Variants in EMCN observed in about 807,000 individuals in gnomAD.
EMCN encodes endomucin.
EMCN carries 37 observed loss-of-function variants against 38.4 expected under a neutral mutation model. That is an observed-to-expected ratio of 0.96 (90% confidence interval 0.74 to 1.27). The LOEUF (loss-of-function observed/expected upper bound fraction) is 1.27, where lower values mean the gene tolerates loss of function less well. Among genes scored for constraint, EMCN ranks in the 50% most tolerant of loss-of-function variants. The pLI is 0.00. For synonymous variants in EMCN, 95 were observed against 100.8 expected, an observed-to-expected ratio of 0.94 and a Z score of 0.35; for missense variants, 318 against 302.8, an observed-to-expected ratio of 1.05 and a Z score of -0.37.
chr4:100,516,760 A>T (rs1272747187), intron 1 of EMCN, among the ~76,000 whole-genome samples: 2 of 152,018 alleles, frequency 1.3e-5, no homozygotes, highest in Non-Finnish European at 2.9e-5. Context: ...GGATGTACTT[A>T]TTTTCTTCCG....
intron 11 of EMCN, among the ~76,000 whole-genome samples, chr4:100,407,396 C>G (rs1400743304): frequency 6.6e-6 from 1 of 152,160 alleles, no homozygotes; most frequent in African/African-American, 2.4e-5. Flanking sequence ...CCCTATGAAC[C>G]TCTTGAAAAG....
At chr4:100,447,439 C>T (rs1450740012) in intron 5 of EMCN, 94 bp downstream of exon 5, 36 of 858,032 alleles carry the variant, frequency 4.2e-5, no homozygotes, top group Admixed American at 2.6e-4. Context: ...TGTGCTATTT[C>T]TCCCTGCCCC....
At position 100,481,842 on chromosome 4, in the gene EMCN, TTTCC is replaced by T. The variant is rs760339134; in HGVS notation, c.65-1807_65-1804del. ...GCATAATCAACGTCTTTAGAGATGT[TTTCC>T]TTCCTTCCTTCCTTTCTTCCTTCCT... On this transcript the variant is annotated intron_variant, in intron 1 of 11. Coordinates refer to ENST00000296420, the MANE Select transcript of EMCN (RefSeq NM_016242.4). 7.9e-5 allele frequency among the ~76,000 whole-genome samples: 12 copies of T among 151,830 alleles called. No homozygotes were observed. In the East Asian group the frequency reaches 1.5e-3, roughly 20 times the overall value.
chr4:100,435,288 G>A (rs1727319045), intron 5 of EMCN, among the ~76,000 whole-genome samples: 1 of 152,050 alleles, frequency 6.6e-6, no homozygotes, highest in Non-Finnish European at 1.5e-5. Context: ...GCTACAAAGA[G>A]AATAAAATAC....
intron 4 of EMCN, among the ~76,000 whole-genome samples, chr4:100,456,244 T>C (rs1258258505): frequency 1.3e-5 from 2 of 152,190 alleles, no homozygotes; most frequent in African/African-American, 4.8e-5. Context: ...CTAGTTTCTA[T>C]TGTTATGCAT....
intron 2 of EMCN, among the ~76,000 whole-genome samples, chr4:100,475,956 GAGCCACTGTGCCC>G (rs201155239): frequency 0.013 from 1,915 of 152,142 alleles, 50 homozygotes; most frequent in African/African-American, 0.044. Flanking sequence ...TTACAGGCGT[GAGCCACTGTGCCC>G]AGCCTCTAGT....
At chr4:100,504,940 T>G (rs139696428) in intron 1 of EMCN, among the ~76,000 whole-genome samples, 216 of 152,334 alleles carry the variant, frequency 1.4e-3, no homozygotes, top group African/African-American at 5.0e-3. Context: ...TGCTTTCATG[T>G]TCCATCCTAT....
In EMCN at chr4:100,480,042, G is replaced by GA; in HGVS notation, c.65-4dup. On this transcript the variant is annotated splice_polypyrimidine_tract_variant and splice_region_variant and intron_variant, in intron 1 of 11. Coordinates refer to ENST00000296420, the MANE Select transcript of EMCN (RefSeq NM_016242.4). ...ATTATTAGCTGCCTCTAAAACACCTGAAAAAAGTAAAGTAGTTGCATTAAC... is the reference window on the plus strand; with the variant it reads ...ATTATTAGCTGCCTCTAAAACACCTGAAAAAAAGTAAAGTAGTTGCATTAAC... The GA allele has an allele frequency of 1.9e-6, 3 of 1,600,804 alleles. No homozygotes were observed. The highest frequency in any genetic ancestry group is 2.6e-6 in the Non-Finnish European group (3 of 1,174,868).
chr4:100,492,763 G>A (rs1729117059), intron 1 of EMCN, among the ~76,000 whole-genome samples: 1 of 152,130 alleles, frequency 6.6e-6, no homozygotes, highest in African/African-American at 2.4e-5. Context: ...TTTGCGAATG[G>A]AAGAGAAGAC....
chr4:100,465,583 A>G, intron 3 of EMCN, 44 bp from the exon 4 acceptor site: 1 of 1,012,992 alleles, frequency 9.9e-7, no homozygotes, highest in Non-Finnish European at 1.4e-6. Flanking sequence ...ACAAATCACC[A>G]GATCATCTTA....
chr4:100,403,951 T>C (rs1726326043), intron 11 of EMCN, among the ~76,000 whole-genome samples: 2 of 152,144 alleles, frequency 1.3e-5, no homozygotes, highest in African/African-American at 2.4e-5. Context: ...TTTAAGTTCC[T>C]TATAGATTCT....
intron 5 of EMCN, among the ~76,000 whole-genome samples, chr4:100,425,482 G>A (rs1727021273): frequency 6.6e-6 from 1 of 151,968 alleles, no homozygotes; most frequent in Non-Finnish European, 1.5e-5. Flanking sequence ...AGGATAGCTG[G>A]GTACAAATCT....
At chr4:100,442,839 T>C (rs1727561260) in intron 5 of EMCN, among the ~76,000 whole-genome samples, 1 of 152,162 alleles carries the variant, frequency 6.6e-6, no homozygotes. Flanking sequence ...GTTCATTATT[T>C]AATTTTATTT....
At chr4:100,511,935 C>T (rs1214553480) in intron 1 of EMCN, among the ~76,000 whole-genome samples, 4 of 152,174 alleles carry the variant, frequency 2.6e-5, no homozygotes, top group African/African-American at 9.7e-5. Context: ...TCCATTCCCT[C>T]TTTTGTCAGG....
chr4:100,514,925 C>T (rs897306000), intron 1 of EMCN, among the ~76,000 whole-genome samples: 1 of 152,230 alleles, frequency 6.6e-6, no homozygotes, highest in East Asian at 1.9e-4. Flanking sequence ...TCATCTTCCT[C>T]TCTCCCCCAC....
intron 3 of EMCN, among the ~76,000 whole-genome samples, chr4:100,471,904 G>A (rs357666): frequency 0.82 from 124,148 of 151,754 alleles, 52,183 homozygotes; most frequent in South Asian, 0.96. Context: ...CACACTCAAC[G>A]AACTAGTAAT....
At chr4:100,433,105 C>T (rs1160880074) in intron 5 of EMCN, among the ~76,000 whole-genome samples, 2 of 152,174 alleles carry the variant, frequency 1.3e-5, no homozygotes, top group Admixed American at 6.6e-5. Flanking sequence ...TTTGTATCCT[C>T]TAATCTACAT....
At chr4:100,411,571 C>T (rs548989154) in intron 10 of EMCN, among the ~76,000 whole-genome samples, 6 of 151,488 alleles carry the variant, frequency 4.0e-5, no homozygotes, top group Non-Finnish European at 8.8e-5. Flanking sequence ...AGAAAACAAC[C>T]CACACACATA....
chr4:100,497,439 C>G (rs1445204321), intron 1 of EMCN, among the ~76,000 whole-genome samples: 1 of 151,900 alleles, frequency 6.6e-6, no homozygotes, highest in African/African-American at 2.4e-5. Context: ...TGCAGTAGCC[C>G]AATCTCGGCT....
Sources: allele counts gnomAD v4.1 joint callset (sites outside exome capture counted in the v4.1 genomes callset), GRCh38; gene constraint gnomAD v4.1.1; transcripts MANE v1.5; gene names NCBI Gene and HGNC (gene_info 2026-07-23, HGNC 2026-07-21).